Variants in SHCBP1 observed in about 807,000 individuals in gnomAD.
SHCBP1 encodes the protein SHC SH2 domain-binding protein 1.
SHCBP1 carries 60 observed loss-of-function variants against 75.1 expected under a neutral mutation model. The ratio of observed to expected loss-of-function variants is 0.80; its 90% confidence interval spans 0.65 to 0.99. SHCBP1 has a LOEUF of 0.99. Among genes scored for constraint, SHCBP1 ranks in the 50% least tolerant of loss-of-function variants. The pLI, the probability that SHCBP1 is intolerant of heterozygous loss-of-function variation, is 0.00. For missense variants in SHCBP1, 709 were observed against 809.4 expected (o/e 0.88, Z 1.50); for synonymous variants, 290 against 293.2 (o/e 0.99, Z 0.11).
At chr16:46,588,659 C>G (rs532816645) in intron 10 of SHCBP1, among the ~76,000 whole-genome samples, 60 of 152,226 alleles carry the variant, frequency 3.9e-4, no homozygotes, top group Admixed American at 1.4e-3. Context: ...GTAACAGGTT[C>G]GGAAATTGAG....
In SHCBP1 at chr16:46,592,951, C is replaced by CAAAAAAAAAAAAA; in HGVS notation, c.1464+2588_1464+2600dup. Among the ~76,000 whole-genome samples, 66 of 22,770 alleles carry CAAAAAAAAAAAAA rather than the reference C, an allele frequency of 2.9e-3. 7 individuals are homozygous for CAAAAAAAAAAAAA. The highest frequency in any genetic ancestry group is 5.2e-3 in the East Asian group (2 of 388). The allele number at this position is 22,770 out of a possible 152,430, so 14.9% of individuals were successfully genotyped here. ...AACATCCACTTATGATAAAAATTCT[C>CAAAAAAAAAAAAA]AAAAAAAAAAAAAAAAAAAAAAAAA... is the stretch of plus-strand genomic sequence containing the variant. On this transcript the variant is annotated intron_variant, in intron 10 of 12. Coordinates refer to ENST00000303383, the MANE Select transcript of SHCBP1 (RefSeq NM_024745.5).
At chr16:46,610,644 C>T (rs1360523880) in intron 4 of SHCBP1, among the ~76,000 whole-genome samples, 5 of 144,636 alleles carry the variant, frequency 3.5e-5, no homozygotes, top group East Asian at 2.1e-4. Flanking sequence ...CTGCAGCCTC[C>T]GCCTCCTGGG....
At chr16:46,615,746 A>T (rs1341501056) in intron 4 of SHCBP1, among the ~76,000 whole-genome samples, 200 bp downstream of exon 4, 1 of 152,168 alleles carries the variant, frequency 6.6e-6, no homozygotes, top group Non-Finnish European at 1.5e-5. Flanking sequence ...TCTCAAAATT[A>T]AAAAATAAAA....
chr16:46,614,658 T>G (rs1013092158), intron 4 of SHCBP1, among the ~76,000 whole-genome samples: 2 of 152,050 alleles, frequency 1.3e-5, no homozygotes, highest in Admixed American at 6.6e-5. Context: ...AAGAAAACAC[T>G]TGCTTTGACC....
intron 10 of SHCBP1, among the ~76,000 whole-genome samples, chr16:46,587,207 T>C (rs1964967147): frequency 6.6e-6 from 1 of 152,120 alleles, no homozygotes; most frequent in Non-Finnish European, 1.5e-5. Flanking sequence ...AGGCAAGGTT[T>C]CTATACTTTA....
At chr16:46,595,447 G>A (rs752811583) in intron 10 of SHCBP1, 105 bp downstream of exon 10, 6 of 890,164 alleles carry the variant, frequency 6.7e-6, no homozygotes, top group Non-Finnish European at 7.5e-6. Flanking sequence ...AGAGATGACT[G>A]TCTGAAGAGA....
At chr16:46,602,612 A>G (rs1965258332) in intron 8 of SHCBP1, among the ~76,000 whole-genome samples, 2 of 152,190 alleles carry the variant, frequency 1.3e-5, no homozygotes, top group African/African-American at 4.8e-5. Flanking sequence ...ACTCTAAATG[A>G]ACAATAAGAT....
chr16:46,620,913 G>A (rs1194309331), intron 1 of SHCBP1: 3 of 236,614 alleles, frequency 1.3e-5, no homozygotes, highest in African/African-American at 6.8e-5. Context: ...TTGAGATGCA[G>A]ATGAAAAAAT....
intron 5 of SHCBP1, among the ~76,000 whole-genome samples, chr16:46,606,593 T>C (rs899322864): frequency 1.3e-5 from 2 of 152,216 alleles, no homozygotes; most frequent in Non-Finnish European, 2.9e-5. Context: ...CTTATCATAT[T>C]TCATGTCAAT....
chr16:46,617,733 A>G lies in SHCBP1; in HGVS notation c.288T>C (p.Ser96=), dbSNP rs1168979772. ...ACTCAGCTGTGAATTCCTGTACCTC[A>G]GAGGCCTTGCAGTCAGCTACAAACA... ...QDYILADCKA[S]EVQEFTAEFL... Residue 96 remains serine, a synonymous_variant, in exon 3 of 13, where the codon TCT becomes TCC. Coordinates refer to ENST00000303383, the MANE Select transcript of SHCBP1 (RefSeq NM_024745.5). 1 of 1,612,248 alleles carries G rather than the reference A, an allele frequency of 6.2e-7. No homozygotes were observed. The highest frequency in any genetic ancestry group is 8.5e-7 in the Non-Finnish European group (1 of 1,179,774).
intron 8 of SHCBP1, among the ~76,000 whole-genome samples, chr16:46,600,179 A>G (rs1965211044): frequency 2.0e-5 from 3 of 152,232 alleles, no homozygotes; most frequent in Non-Finnish European, 4.4e-5. Flanking sequence ...CTAGTCCCGT[A>G]TCAGGAAGAC....
intron 10 of SHCBP1, among the ~76,000 whole-genome samples, chr16:46,593,150 G>C (rs1037527575): frequency 6.6e-6 from 1 of 151,322 alleles, no homozygotes; most frequent in Non-Finnish European, 1.5e-5. Flanking sequence ...AAGGCATAAA[G>C]ATTAGAAAAG....
rs775705546 is a variant in SHCBP1 at position 46,581,760 on chromosome 16, C to A, written c.1988G>T (p.Gly663Val). ...GIVGNQFKWNGKGSFGTFLF is the reference protein window; with the variant it reads ...GIVGNQFKWNVKGSFGTFLF ...AAGAAATGTGCCAAAACTACCTTTC[C>A]CATTCCACTTGAACTGGTTCCCCAC... is the stretch of plus-strand genomic sequence containing the variant. Residue 663 changes from glycine (G) to valine (V), a missense_variant, in exon 13 of 13, where the codon GGG becomes GTG. Coordinates refer to ENST00000303383, the MANE Select transcript of SHCBP1 (RefSeq NM_024745.5). The A allele has an allele frequency of 6.2e-7, 1 of 1,613,986 alleles. No homozygotes were observed. The highest frequency in any genetic ancestry group is 1.1e-5 in the South Asian group (1 of 91,068).
chr16:46,596,602 G>C (rs1318211559), intron 9 of SHCBP1, among the ~76,000 whole-genome samples: 1 of 151,828 alleles, frequency 6.6e-6, no homozygotes, highest in Admixed American at 6.6e-5. Flanking sequence ...TTTTTTAGTA[G>C]AGACAGGGTT....
intron 8 of SHCBP1, among the ~76,000 whole-genome samples, chr16:46,601,896 T>C (rs946469885): frequency 1.3e-5 from 2 of 152,214 alleles, no homozygotes; most frequent in African/African-American, 4.8e-5. Flanking sequence ...GTAAGTACTA[T>C]TGACACCCTG....
intron 9 of SHCBP1, among the ~76,000 whole-genome samples, chr16:46,596,629 G>A (rs569008722): frequency 2.0e-5 from 3 of 151,936 alleles, no homozygotes; most frequent in African/African-American, 7.2e-5. Flanking sequence ...TGTTGGCCAG[G>A]CTAGTCTCGA....
intron 8 of SHCBP1, 60 bp downstream of exon 8, chr16:46,603,479 T>C: frequency 1.2e-6 from 2 of 1,602,974 alleles, no homozygotes; most frequent in Non-Finnish European, 8.5e-7. Flanking sequence ...AGATTGGTGA[T>C]TTATTGTTTA....
chr16:46,619,995 C>T (rs759296878), intron 1 of SHCBP1, among the ~76,000 whole-genome samples: 1 of 151,940 alleles, frequency 6.6e-6, no homozygotes, highest in Admixed American at 6.6e-5. Flanking sequence ...ACATTGTGTG[C>T]CACTGCACTC....
Position 46,579,539 on chromosome 16 carries a change from T to C in SHCBP1, c.*2190A>G, listed in dbSNP as rs60938441. 6.6e-5 allele frequency among the ~76,000 whole-genome samples: 10 copies of C among 152,278 alleles called. No individual in the cohort carries two copies. The South Asian group carries it at 2.1e-3, about 32-fold the overall frequency. On this transcript the variant is annotated 3_prime_UTR_variant, in exon 13 of 13. Coordinates refer to ENST00000303383, the MANE Select transcript of SHCBP1 (RefSeq NM_024745.5). The stretch of plus-strand genomic sequence containing the variant: ...AACCAAGATAAAGTAGAAATTCAAT[T>C]GAAAAATCAATGTGATTTGGGAGGC...
Sources: gnomAD v4.1 joint callset for allele counts (sites outside exome capture counted in the v4.1 genomes callset) on GRCh38, gnomAD v4.1.1 for gene constraint, MANE v1.5 for transcripts, NCBI Gene and HGNC (gene_info 2026-07-23, HGNC 2026-07-21) for gene names.